COX14: variants seen among roughly 807,000 people sequenced by gnomAD.
COX14 encodes cytochrome c oxidase assembly factor COX14.
A neutral mutation model predicts 5.8 loss-of-function variants in COX14; 3 were observed. That is an observed-to-expected ratio of 0.51 (90% CI 0.23 to 1.33). The LOEUF is 1.33. COX14 is among the 40% of genes most tolerant of loss of function. The pLI is 0.18. For missense variants in COX14, 72 were observed against 72.1 expected (o/e 1.00, Z 0.01); for synonymous variants, 25 against 26.1 (o/e 0.96, Z 0.13).
At chr12:50,114,414 G>T (rs1230000103) in intron 1 of COX14, among the ~76,000 whole-genome samples, 4 of 151,780 alleles carry the variant, frequency 2.6e-5, no homozygotes, top group Non-Finnish European at 5.9e-5. Flanking sequence ...CCCACGCCTG[G>T]CTAATTTTTG....
At chr12:50,117,250 A>G (rs955830472) in intron 1 of COX14, among the ~76,000 whole-genome samples, 1 of 151,628 alleles carries the variant, frequency 6.6e-6, no homozygotes, top group African/African-American at 2.4e-5. Flanking sequence ...TCCTGGCCTC[A>G]AGTGATCCTC....
At chr12:50,117,890 C>T (rs756119044) in intron 1 of COX14, among the ~76,000 whole-genome samples, 26 of 151,568 alleles carry the variant, frequency 1.7e-4, no homozygotes, top group African/African-American at 6.1e-4. Context: ...ACTACAGGCG[C>T]GCACTGCCAT....
intron 1 of COX14, among the ~76,000 whole-genome samples, chr12:50,113,573 G>A (rs913712816): frequency 1.3e-5 from 2 of 151,728 alleles, no homozygotes; most frequent in African/African-American, 4.8e-5. Flanking sequence ...AAAGTGCTGG[G>A]ATTACAGGCG....
chr12:50,115,091 A>G (rs1430094966), intron 1 of COX14, among the ~76,000 whole-genome samples: 1 of 134,290 alleles, frequency 7.4e-6, no homozygotes, highest in Non-Finnish European at 1.6e-5. Context: ...TTTTAAATAG[A>G]GATGGGGTCT....
rs983534868 is a variant in COX14 at position 50,112,603 on chromosome 12, C to G, written c.-9+302C>G. On this transcript the variant is annotated intron_variant, in intron 1 of 1. Transcript: ENST00000550487. Reference sequence around the variant, plus strand: ...TGCCTCTTCCTTGCTCTATAGACCTCTGCGTCCTGATAAGTGGCTCTCCGG... The same window carrying G: ...TGCCTCTTCCTTGCTCTATAGACCTGTGCGTCCTGATAAGTGGCTCTCCGG... 1.6e-5 allele frequency: 7 copies of G among 424,846 alleles called. No individual in the cohort carries two copies. In the South Asian group the frequency reaches 6.9e-4, roughly 42 times the overall value. The allele number at this position is 424,846 out of a possible 1,614,324, so 26.3% of individuals were successfully genotyped here. A position where few individuals can be genotyped will look rare whatever the true frequency, so the allele number is the denominator to read the frequency against.
intron 1 of COX14, among the ~76,000 whole-genome samples, chr12:50,117,764 G>C (rs1400840810): frequency 1.0e-5 from 1 of 96,730 alleles, no homozygotes. Flanking sequence ...TTTTTTTTTT[G>C]AGATGGAGTC....
chr12:50,113,090 G>A (rs1371385412), intron 1 of COX14, among the ~76,000 whole-genome samples: 4 of 151,652 alleles, frequency 2.6e-5, no homozygotes, highest in Admixed American at 2.6e-4. Flanking sequence ...GCCCAACCTG[G>A]TCTCCAACTC....
chr12:50,112,546 G>C (rs2137932180), intron 1 of COX14: 1 of 909,278 alleles, frequency 1.1e-6, no homozygotes, highest in South Asian at 5.1e-5. Context: ...CTCGACTCCT[G>C]CCTGGCGTCT....
At chr12:50,119,413 T>G (rs1592311955) in intron 1 of COX14, among the ~76,000 whole-genome samples, 1 of 152,314 alleles carries the variant, frequency 6.6e-6, no homozygotes, top group African/African-American at 2.4e-5. Context: ...CCCTGGCTGG[T>G]GCAGTGGCTC....
intron 1 of COX14, among the ~76,000 whole-genome samples, chr12:50,117,891 G>A (rs927983597): frequency 1.3e-4 from 19 of 151,940 alleles, no homozygotes; most frequent in African/African-American, 2.4e-4. Flanking sequence ...CTACAGGCGC[G>A]CACTGCCATG....
chr12:50,114,665 A>G (rs371421535), intron 1 of COX14, among the ~76,000 whole-genome samples: 1 of 150,370 alleles, frequency 6.7e-6, no homozygotes, highest in African/African-American at 2.5e-5. Flanking sequence ...TATTACCTCC[A>G]TATGTATCTG....
chr12:50,117,384 G>A (rs543796949), intron 1 of COX14, among the ~76,000 whole-genome samples: 2 of 151,948 alleles, frequency 1.3e-5, no homozygotes, highest in Non-Finnish European at 2.9e-5. Context: ...GTAAGGGGCG[G>A]GATTTTAAGT....
intron 1 of COX14, among the ~76,000 whole-genome samples, chr12:50,115,025 C>T (rs1222785201): frequency 2.0e-5 from 3 of 150,334 alleles, no homozygotes; most frequent in Non-Finnish European, 4.4e-5. Flanking sequence ...CTTGACCTCC[C>T]AAAGTGCTGG....
At chr12:50,119,923 AGAGT>A (rs979693949) in intron 1 of COX14, 109 bp from the exon 2 acceptor site, 9 of 798,352 alleles carry the variant, frequency 1.1e-5, no homozygotes, top group Non-Finnish European at 2.0e-5. Flanking sequence ...CATTCAGTAT[AGAGT>A]GCAGACAGAC....
At chr12:50,112,878 C>T (rs1951039892) in intron 1 of COX14, 1 of 150,442 alleles carries the variant, frequency 6.6e-6, no homozygotes, top group East Asian at 2.0e-4. Context: ...AAGCCATGTT[C>T]TTTTTAGCGG....
At chr12:50,115,638 A>G (rs1169147802) in intron 1 of COX14, among the ~76,000 whole-genome samples, 2 of 144,860 alleles carry the variant, frequency 1.4e-5, no homozygotes, top group African/African-American at 2.6e-5. Flanking sequence ...CTGCACCTCT[A>G]CCTCCTGGGC....
chr12:50,112,339 C>T, intron 1 of COX14, 38 bp downstream of exon 1: 1 of 985,526 alleles, frequency 1.0e-6, no homozygotes, highest in African/African-American at 1.7e-5. Context: ...GGCTGCCAGT[C>T]CCACTGCCTG....
Position 50,120,236 on chromosome 12 carries a change from C to G in COX14, c.*19C>G. ...CATGTAGAACTGGGGGGCTTTTTCT[C>G]CTGAGCAGAGAGGCCCAAGGCATGC... On this transcript the variant is annotated 3_prime_UTR_variant, in exon 2 of 2. Coordinates refer to ENST00000550487, the MANE Select transcript of COX14 (RefSeq NM_032901.4). 1 of 1,609,254 alleles carries G rather than the reference C, an allele frequency of 6.2e-7. No individual in the cohort carries two copies. Among genetic ancestry groups the G allele is most frequent in the Non-Finnish European group, 8.5e-7 (1 of 1,177,682 alleles).
intron 1 of COX14, among the ~76,000 whole-genome samples, chr12:50,119,509 T>A (rs531787902): frequency 6.6e-6 from 1 of 152,222 alleles, no homozygotes; most frequent in South Asian, 2.1e-4. Flanking sequence ...CCTGGCAACA[T>A]ACATAGCAAG....
Sources: gnomAD v4.1 joint callset for allele counts (sites outside exome capture counted in the v4.1 genomes callset) on GRCh38, gnomAD v4.1.1 for gene constraint, MANE v1.5 for transcripts, NCBI Gene and HGNC (gene_info 2026-07-23, HGNC 2026-07-21) for gene names.